Variants in SLC44A5 observed in about 807,000 individuals in gnomAD.
SLC44A5 encodes choline transporter-like protein 5.
A neutral mutation model predicts 101.8 loss-of-function variants in SLC44A5; 57 were observed. The observed-to-expected ratio is 0.56, with a 90% CI of 0.45 to 0.70. The LOEUF is 0.70. SLC44A5 is among the 30% of genes least tolerant of loss of function. The probability of loss-of-function intolerance (pLI) is 0.00; values close to 1 mark genes in which losing one functional copy is unlikely to be tolerated. For missense variants in SLC44A5, 737 were observed against 853.1 expected, an observed-to-expected ratio of 0.86 and a Z score of 1.70; for synonymous variants, 281 against 290.9, an observed-to-expected ratio of 0.97 and a Z score of 0.35.
intron 8 of SLC44A5, 71 bp downstream of exon 8, chr1:75,242,815 T>A: frequency 6.8e-7 from 1 of 1,477,550 alleles, no homozygotes; most frequent in African/African-American, 1.4e-5. Flanking sequence ...CAGTAACAAA[T>A]TCTCACGTTA....
the SLC44A5 span, among the ~76,000 whole-genome samples, chr1:75,696,867 C>G: frequency 3.3e-5 from 5 of 150,116 alleles, no homozygotes. Flanking sequence ...CCAGACTGGG[C>G]AACAGAGCGA....
intron 1 of SLC44A5, among the ~76,000 whole-genome samples, chr1:75,563,893 C>A (rs926444497): frequency 2.0e-5 from 3 of 151,892 alleles, no homozygotes; most frequent in African/African-American, 7.3e-5. Flanking sequence ...GAACTGTCTT[C>A]AAAAAGTTAT....
chr1:75,678,842 G>A, the SLC44A5 span, among the ~76,000 whole-genome samples: 1 of 152,210 alleles, frequency 6.6e-6, no homozygotes, highest in East Asian at 1.9e-4. Context: ...CAAACCAAAG[G>A]TAAAGAAGTT....
At chr1:75,472,165 C>T (rs1211623328) in intron 2 of SLC44A5, among the ~76,000 whole-genome samples, 3 of 150,668 alleles carry the variant, frequency 2.0e-5, no homozygotes, top group Admixed American at 6.6e-5. Flanking sequence ...TCAAACAAGA[C>T]CAAAGAAAAA....
At chr1:75,659,489 G>GAAGGAAGGGAAAAGGAAGGAAGGAAGA in the SLC44A5 span, among the ~76,000 whole-genome samples, 1 of 61,478 alleles carries the variant, frequency 1.6e-5, no homozygotes, top group Non-Finnish European at 3.5e-5. Context: ...AGGAAGGAAG[G>GAAGGAAGGGAAAAGGAAGGAAGGAAGA]AAGGCAGGCA....
intron 2 of SLC44A5, 127 bp from the exon 3 acceptor site, chr1:75,396,748 G>A: frequency 1.4e-6 from 1 of 694,154 alleles, no homozygotes; most frequent in Non-Finnish European, 2.6e-6. Flanking sequence ...ACATAAGGCA[G>A]TTGGACTGGT....
intron 1 of SLC44A5, among the ~76,000 whole-genome samples, chr1:75,550,409 T>C (rs1352569986): frequency 1.3e-5 from 2 of 152,076 alleles, no homozygotes; most frequent in Non-Finnish European, 2.9e-5. Flanking sequence ...GGGATGTGAC[T>C]GCTTAATGGA....
At chr1:75,203,948 T>TTGTTG in intron 23 of SLC44A5, 115 bp from the exon 24 acceptor site, 1 of 1,304,876 alleles carries the variant, frequency 7.7e-7, no homozygotes, top group Non-Finnish European at 1.0e-6. Context: ...TTGTTTTTTT[T>TTGTTG]TTGTTGTTGT....
At chr1:75,221,201 AAAT>A (rs1326788458) in intron 14 of SLC44A5, among the ~76,000 whole-genome samples, 1 of 152,224 alleles carries the variant, frequency 6.6e-6, no homozygotes, top group African/African-American at 2.4e-5. Context: ...ATTATAATAA[AAAT>A]AATAATACTG....
chr1:75,298,667 G>A (rs960214347), intron 5 of SLC44A5, among the ~76,000 whole-genome samples: 5 of 152,072 alleles, frequency 3.3e-5, no homozygotes, highest in African/African-American at 9.7e-5. Flanking sequence ...CCTCCTAGTG[G>A]AAAGATTCTG....
intron 4 of SLC44A5, among the ~76,000 whole-genome samples, chr1:75,325,759 CGT>C (rs10538157): frequency 0.48 from 72,355 of 149,980 alleles, 18,163 homozygotes; most frequent in Non-Finnish European, 0.57. Flanking sequence ...TGCATGCATG[CGT>C]GTGTGTGTGT....
At chr1:75,647,088 C>T in the SLC44A5 span, among the ~76,000 whole-genome samples, 19 of 152,274 alleles carry the variant, frequency 1.2e-4, no homozygotes, top group Admixed American at 9.8e-4. Flanking sequence ...GGCCTGGAGG[C>T]CTACGAAGAA....
the SLC44A5 span, among the ~76,000 whole-genome samples, chr1:75,661,578 A>G: frequency 4.6e-5 from 7 of 151,992 alleles, no homozygotes; most frequent in African/African-American, 1.7e-4. Context: ...GACAACCTAC[A>G]GAATGGGAGA....
intron 3 of SLC44A5, among the ~76,000 whole-genome samples, chr1:75,390,630 A>C (rs913116624): frequency 2.6e-5 from 4 of 152,160 alleles, no homozygotes; most frequent in Non-Finnish European, 4.4e-5. Flanking sequence ...CTTCATAATA[A>C]AAACTCTCAG....
At chr1:75,632,372 G>A in the SLC44A5 span, among the ~76,000 whole-genome samples, 953 of 146,518 alleles carry the variant, frequency 6.5e-3, 7 homozygotes, top group Non-Finnish European at 7.4e-3. Flanking sequence ...ATTTCAGAAG[G>A]AGCTACTTCT....
chr1:75,227,914 T>C (rs1570411824), intron 12 of SLC44A5, 57 bp from the exon 13 acceptor site: 4 of 1,393,826 alleles, frequency 2.9e-6, no homozygotes, highest in Non-Finnish European at 3.9e-6. Context: ...AAATAGGAGC[T>C]ATATGTGCTC....
chr1:75,454,906 T>C (rs569276288), intron 2 of SLC44A5, among the ~76,000 whole-genome samples: 4 of 152,214 alleles, frequency 2.6e-5, no homozygotes, highest in Non-Finnish European at 4.4e-5. Context: ...AAACATTCCA[T>C]GCTCATGGAT....
At chr1:75,321,230 T>C (rs1290742421) in intron 4 of SLC44A5, among the ~76,000 whole-genome samples, 1 of 152,182 alleles carries the variant, frequency 6.6e-6, no homozygotes, top group South Asian at 2.1e-4. Context: ...TTTAGGTATT[T>C]ATTATAGCAG....
intron 1 of SLC44A5, among the ~76,000 whole-genome samples, chr1:75,552,229 C>T (rs372899781): frequency 4.5e-4 from 68 of 152,234 alleles, no homozygotes; most frequent in Middle Eastern, 6.8e-3. Flanking sequence ...CCTATAATGT[C>T]TCTTAGTGTC....
Sources: allele counts gnomAD v4.1 joint callset (sites outside exome capture counted in the v4.1 genomes callset), GRCh38; gene constraint gnomAD v4.1.1; transcripts MANE v1.5; gene names NCBI Gene and HGNC (gene_info 2026-07-23, HGNC 2026-07-21).